CDKL3: variants seen among roughly 807,000 people sequenced by gnomAD.
The protein encoded by CDKL3 is cyclin dependent kinase like 3.
CDKL3 carries 65 observed loss-of-function variants against 69.3 expected under a neutral mutation model. That is an observed-to-expected ratio of 0.94 (90% confidence interval 0.77 to 1.15). CDKL3 has a LOEUF of 1.15. CDKL3 is among the 50% of genes most tolerant of loss of function. The probability of loss-of-function intolerance (pLI) is 0.00; values close to 1 mark genes in which losing one functional copy is unlikely to be tolerated. For missense variants in CDKL3, 652 were observed against 689.2 expected, an observed-to-expected ratio of 0.95 and a Z score of 0.61; for synonymous variants, 202 against 221.6, an observed-to-expected ratio of 0.91 and a Z score of 0.79.
rs143324114 is a variant in CDKL3 at position 134,336,958 on chromosome 5, G to C, written c.539+13291C>G. 1.9e-3 allele frequency among the ~76,000 whole-genome samples: 296 copies of C among 152,352 alleles called. 4 individuals are homozygous for C. Among genetic ancestry groups the C allele is most frequent in the African/African-American group, 6.5e-3 (270 of 41,590 alleles). Reference sequence around the variant, plus strand: ...GGAGGTGGAATCTAGAGAGGCAGTAGTCCTTGCTGAGCTGCGATGAGCTCT... The same window carrying C: ...GGAGGTGGAATCTAGAGAGGCAGTACTCCTTGCTGAGCTGCGATGAGCTCT... On this transcript the variant is annotated intron_variant, in intron 4 of 12. Transcript: ENST00000265334.
At chr5:134,296,779 C>G (rs1765370236), downstream of CDKL3, among the ~76,000 whole-genome samples, 1 of 132,922 alleles carries the variant, frequency 7.5e-6, no homozygotes, top group African/African-American at 3.0e-5. Flanking sequence ...AAGACCCTGT[C>G]TCTACACACA....
chr5:134,321,732 A>G (rs1420605298), intron 5 of CDKL3, 59 bp downstream of exon 5: 28 of 917,158 alleles, frequency 3.1e-5, no homozygotes, highest in Non-Finnish European at 4.7e-5. Context: ...AATCAAGCAG[A>G]ATTGATCTGG....
At chr5:134,309,346 T>C (rs1441661732) in intron 7 of CDKL3, among the ~76,000 whole-genome samples, 2 of 152,190 alleles carry the variant, frequency 1.3e-5, no homozygotes, top group East Asian at 1.9e-4. Context: ...CCTCCCAAAG[T>C]TGCTGGGATT....
At chr5:134,339,703 C>T (rs1749974973) in intron 4 of CDKL3, among the ~76,000 whole-genome samples, 2 of 151,972 alleles carry the variant, frequency 1.3e-5, no homozygotes, top group Admixed American at 1.3e-4. Context: ...TTTAAAAGGG[C>T]AGAAATTACA....
At chr5:134,360,183 A>T (rs889629781) in intron 2 of CDKL3, 92 bp from the exon 3 acceptor site, 14 of 867,922 alleles carry the variant, frequency 1.6e-5, no homozygotes, top group Non-Finnish European at 2.3e-5. Flanking sequence ...AAACAGTCAT[A>T]TTCTTAGCTT....
Position 134,350,401 on chromosome 5 carries a change from C to A in CDKL3, c.387G>T (p.Glu129Asp), listed in dbSNP as rs772295306. Residue 129 changes from glutamate (E) to aspartate (D), a missense_variant, in exon 4 of 13, where the codon GAG (glutamate) becomes GAT (aspartate). Physicochemically the swap from Glu to Asp is conservative, Grantham distance 45. Transcript: ENST00000265334. ...NNIIHRDIKPENILVSQSGIT... is the reference protein window; with the variant it reads ...NNIIHRDIKPDNILVSQSGIT... ...TTCCTGACTGGGATACTAAAATATTCTCAGGTTTTATATCTCGATGAATGA... is the reference window on the plus strand; with the variant it reads ...TTCCTGACTGGGATACTAAAATATTATCAGGTTTTATATCTCGATGAATGA... The A allele has an allele frequency of 5.1e-6, 8 of 1,565,920 alleles. No individual in the cohort carries two copies.
Position 134,343,242 on chromosome 5 carries a change from AGGAC to A in CDKL3, c.539+7003_539+7006del, listed in dbSNP as rs1383089232. ...GGAAAGAAAGTGCGTTGCTGGAAAA[AGGAC>A]AGCCTTACAGATCAATGGAACAGAA... is the stretch of plus-strand genomic sequence containing the variant. On this transcript the variant is annotated intron_variant, in intron 4 of 12. Transcript: ENST00000265334. Among the ~76,000 whole-genome samples the A allele has an allele frequency of 2.0e-5, 3 of 152,224 alleles. No homozygotes were observed. The East Asian group carries it at 5.8e-4, about 29-fold the overall frequency.
intron 11 of CDKL3, among the ~76,000 whole-genome samples, chr5:134,303,675 C>A (rs568707627): frequency 6.6e-6 from 1 of 151,278 alleles, no homozygotes; most frequent in East Asian, 2.0e-4. Flanking sequence ...GGAACCCCCC[C>A]CCCGTCTCTA....
intron 3 of CDKL3, 45 bp downstream of exon 3, chr5:134,359,852 T>C (rs780815512): frequency 2.4e-6 from 3 of 1,236,698 alleles, no homozygotes; most frequent in South Asian, 2.8e-5. Flanking sequence ...GGAGCACTTA[T>C]GATTCATATT....
rs1387554866 is a variant in CDKL3, at chr5:134,312,036, T to A, written c.881+256A>T. On this transcript the variant is annotated intron_variant, in intron 7 of 12. Coordinates refer to ENST00000265334, the MANE Select transcript of CDKL3 (RefSeq NM_001113575.2). ...GTCGTGAACTCCAGGGCTCAAGCAA[T>A]CTGCCTGCCTCAGCTTCGCAAAGTG... 2.6e-5 allele frequency among the ~76,000 whole-genome samples: 4 copies of A among 152,144 alleles called. No individual in the cohort carries two copies. In the East Asian group the frequency reaches 7.7e-4, roughly 29 times the overall value.
intron 6 of CDKL3, 99 bp downstream of exon 6, chr5:134,319,259 G>A: frequency 1.2e-6 from 1 of 847,090 alleles, no homozygotes; most frequent in Non-Finnish European, 1.7e-6. Flanking sequence ...TGACCTGGGA[G>A]TCAGAGGTTG....
chr5:134,333,167 T>C (rs1458108430), intron 4 of CDKL3, among the ~76,000 whole-genome samples: 1 of 152,252 alleles, frequency 6.6e-6, no homozygotes. Flanking sequence ...ATTGATTTTG[T>C]ATCCTGAGAC....
chr5:134,332,429 C>T (rs1233817051), intron 4 of CDKL3, among the ~76,000 whole-genome samples: 1 of 152,060 alleles, frequency 6.6e-6, no homozygotes, highest in African/African-American at 2.4e-5. Flanking sequence ...GGTTTTAGGT[C>T]TTACATTTAA....
chr5:134,350,228 A>T, intron 4 of CDKL3, 21 bp downstream of exon 4: 1 of 1,508,112 alleles, frequency 6.6e-7, no homozygotes, highest in African/African-American at 1.4e-5. Context: ...AAAGGCTGAC[A>T]GGATCCCAAA....
chr5:134,319,943 G>A (rs1402062610), intron 5 of CDKL3, among the ~76,000 whole-genome samples: 1 of 152,206 alleles, frequency 6.6e-6, no homozygotes, highest in Non-Finnish European at 1.5e-5. Flanking sequence ...CAAGGCTAGA[G>A]AGTAGTAGCA....
At chr5:134,293,002 C>CTT (rs558156596) in intron 8 of CDKL3, among the ~76,000 whole-genome samples, 1,690 of 44,002 alleles carry the variant, frequency 0.038, 252 homozygotes, top group Non-Finnish European at 0.051. Context: ...CTGCCAATTT[C>CTT]TTTTTTTTTT....
intron 6 of CDKL3, among the ~76,000 whole-genome samples, chr5:134,316,364 C>T (rs143739793): frequency 1.5e-3 from 225 of 152,252 alleles, no homozygotes; most frequent in African/African-American, 5.2e-3. Context: ...CCTTGGGAGG[C>T]CAAGGCAGGT....
At chr5:134,293,714 G>A (rs958636517), downstream of CDKL3, among the ~76,000 whole-genome samples, 27 of 152,002 alleles carry the variant, frequency 1.8e-4, 1 homozygote, top group African/African-American at 5.3e-4. Context: ...TTGGGAGGGC[G>A]GCTTGAGCCC....
upstream of CDKL3, among the ~76,000 whole-genome samples, chr5:134,368,923 G>A (rs555010360): frequency 6.6e-6 from 1 of 152,196 alleles, no homozygotes; most frequent in South Asian, 2.1e-4. Flanking sequence ...CCAGCTACTT[G>A]GGCGTCTGAA....
Sources: gnomAD v4.1 joint callset for allele counts (sites outside exome capture counted in the v4.1 genomes callset) on GRCh38, gnomAD v4.1.1 for gene constraint, MANE v1.5 for transcripts, NCBI Gene and HGNC (gene_info 2026-07-23, HGNC 2026-07-21) for gene names.